ROCK2: variants seen among roughly 807,000 people sequenced by gnomAD.
ROCK2 encodes Rho associated coiled-coil containing protein kinase 2.
ROCK2 carries 61 observed loss-of-function variants against 195.1 expected under a neutral mutation model. That is an observed-to-expected ratio of 0.31 (90% CI 0.25 to 0.39). ROCK2 has a LOEUF of 0.39. Ranked by LOEUF, ROCK2 falls within the 10% of genes least tolerant of loss-of-function variation. The pLI is 1.00. For synonymous variants in ROCK2, 504 were observed against 545.5 expected, an observed-to-expected ratio of 0.92 and a Z score of 1.06; for missense variants, 1,109 against 1,637.4, an observed-to-expected ratio of 0.68 and a Z score of 5.57.
chr2:11,265,440 AT>A (rs1203423293), intron 3 of ROCK2, among the ~76,000 whole-genome samples: 1 of 152,208 alleles, frequency 6.6e-6, no homozygotes, highest in African/African-American at 2.4e-5. Flanking sequence ...GGAAATTTTC[AT>A]AACTCAATAG....
intron 5 of ROCK2, among the ~76,000 whole-genome samples, chr2:11,230,140 T>C (rs1664952483): frequency 2.6e-5 from 4 of 152,130 alleles, no homozygotes; most frequent in Admixed American, 6.6e-5. Flanking sequence ...CTAGAAGTAA[T>C]GACAGTCCAG....
chr2:11,234,959 T>TA (rs1286187747), intron 5 of ROCK2, among the ~76,000 whole-genome samples: 1 of 152,122 alleles, frequency 6.6e-6, no homozygotes, highest in East Asian at 1.9e-4. Flanking sequence ...ACTGGAAAGT[T>TA]ATAAAAAACA....
chr2:11,305,444 TACACACACACACACAC>T (rs59533265), intron 1 of ROCK2, among the ~76,000 whole-genome samples: 16 of 150,472 alleles, frequency 1.1e-4, no homozygotes, highest in Middle Eastern at 3.4e-3. Flanking sequence ...TGTGTGGGTG[TACACACACACACACAC>T]ACACACACAC....
At chr2:11,327,805 T>C (rs1384819621) in intron 1 of ROCK2, among the ~76,000 whole-genome samples, 1 of 152,162 alleles carries the variant, frequency 6.6e-6, no homozygotes, top group African/African-American at 2.4e-5. Flanking sequence ...TCAAGCTATC[T>C]GCCCACCTTG....
At chr2:11,188,328 T>G (rs1307905565) in intron 32 of ROCK2, among the ~76,000 whole-genome samples, 1 of 152,094 alleles carries the variant, frequency 6.6e-6, no homozygotes, top group Non-Finnish European at 1.5e-5. Context: ...CAGGCTTGTC[T>G]TGAACTCCTG....
At chr2:11,195,397 G>A (rs1663593942) in intron 27 of ROCK2, among the ~76,000 whole-genome samples, 1 of 151,084 alleles carries the variant, frequency 6.6e-6, no homozygotes, top group South Asian at 2.1e-4. Context: ...TTTTTCCTTT[G>A]GAAGAGGGCC....
intron 7 of ROCK2, among the ~76,000 whole-genome samples, chr2:11,223,219 C>G (rs1214424432): frequency 6.6e-6 from 1 of 152,004 alleles, no homozygotes; most frequent in Non-Finnish European, 1.5e-5. Context: ...ATGTAATTGA[C>G]AGGTATTAAA....
chr2:11,317,588 ATATATATATATATATATATATATATT>A (rs1558388158), intron 1 of ROCK2, among the ~76,000 whole-genome samples: 1 of 12,762 alleles, frequency 7.8e-5, no homozygotes, highest in African/African-American at 2.5e-4. Flanking sequence ...ATATATATAT[ATATATATATATATATATATATATATT>A]TTTTTTTTTT....
intron 1 of ROCK2, among the ~76,000 whole-genome samples, chr2:11,340,533 C>T (rs1210311424): frequency 6.6e-6 from 1 of 151,944 alleles, no homozygotes; most frequent in Non-Finnish European, 1.5e-5. Context: ...ACAAATTTTA[C>T]ACTATAAATG....
In ROCK2 at chr2:11,201,348, T is replaced by C; in HGVS notation, c.2685A>G (p.Lys895=). ...EECEEKTKLG[K]ELQQKKQELQ... is the part of the protein sequence containing the mutation. ...ATTCCTGTTTCTTCTGCTGCAATTC[T>C]TTACCAAGTTTGGTCTTTTCTTCAC... Residue 895 remains lysine, a synonymous_variant, in exon 22 of 33, where the codon AAA becomes AAG. Transcript: ENST00000315872. The surrounding 1 kb of genome is among the most constrained non-coding windows in gnomAD (Gnocchi z 4.6). The C allele has an allele frequency of 6.2e-7, 1 of 1,613,326 alleles. No individual in the cohort carries two copies. The highest frequency in any genetic ancestry group is 1.7e-5 in the Admixed American group (1 of 60,018).
In ROCK2 at chr2:11,183,405, C is replaced by A. The variant is rs188238543; in HGVS notation, c.*32G>T. The A allele has an allele frequency of 1.6e-3, 2,493 of 1,582,256 alleles. 31 individuals carry two copies. In the African/African-American group the frequency reaches 0.028, roughly 18 times the overall value. On this transcript the variant is annotated 3_prime_UTR_variant, in exon 33 of 33. Coordinates refer to ENST00000315872, the MANE Select transcript of ROCK2 (RefSeq NM_004850.5). ...TGTTTTCACTGGAAGAATACGATCA[C>A]CTTGAATAATGACTGCTTTCATAGA...
intron 3 of ROCK2, among the ~76,000 whole-genome samples, chr2:11,266,858 T>A (rs1161308102): frequency 1.3e-5 from 2 of 152,216 alleles, no homozygotes; most frequent in Non-Finnish European, 2.9e-5. Flanking sequence ...ATCAGATTAA[T>A]GGAATGTTAA....
intron 20 of ROCK2, among the ~76,000 whole-genome samples, chr2:11,206,843 C>T (rs1463532718): frequency 6.6e-6 from 1 of 152,222 alleles, no homozygotes; most frequent in Non-Finnish European, 1.5e-5. Context: ...CTCCCTTTCA[C>T]AAGTGTGATA....
chr2:11,198,540 T>G lies in ROCK2; in HGVS notation c.3050A>C (p.Lys1017Thr). The G allele has an allele frequency of 6.2e-7, 1 of 1,613,424 alleles. No individual in the cohort carries two copies. Among genetic ancestry groups the G allele is most frequent in the Non-Finnish European group, 8.5e-7 (1 of 1,179,814 alleles). Residue 1017 changes from lysine to threonine, a missense_variant, in exon 25 of 33, where the codon AAA becomes ACA. This residue lies in a region of ROCK2 where 542 missense variants were observed against 672.0 expected (regional missense o/e 0.81). Coordinates refer to ENST00000315872, the MANE Select transcript of ROCK2 (RefSeq NM_004850.5). Reference sequence around the variant, plus strand: ...TAATAGCTGCTTCTCAAACTGTGCTTTAATAGCTGCTGCGCTTATTTCTTC... The same window carrying G: ...TAATAGCTGCTTCTCAAACTGTGCTGTAATAGCTGCTGCGCTTATTTCTTC... ...KDEEISAAAI[K>T]AQFEKQLLTE...
chr2:11,335,449 CTTTTAT>C (rs1174565690), intron 1 of ROCK2, among the ~76,000 whole-genome samples: 1 of 152,060 alleles, frequency 6.6e-6, no homozygotes, highest in Non-Finnish European at 1.5e-5. Context: ...GGAAAATGTT[CTTTTAT>C]TATTTTTAAA....
rs35144359 is a variant in ROCK2 at position 11,285,261 on chromosome 2, T to TAA, written c.324+1276_324+1277dup. On this transcript the variant is annotated intron_variant, in intron 3 of 32. Transcript: ENST00000315872. ...TGGGCAACAAGAGTGAAACTCTGTC[T>TAA]AAAAAAAAAAAAAAAAAAAAATGTT... Among the ~76,000 whole-genome samples the TAA allele has an allele frequency of 4.4e-3, 511 of 117,220 alleles. 6 individuals carry two copies. The highest frequency in any genetic ancestry group is 0.016 in the African/African-American group (490 of 30,550). 76.9% of individuals were successfully genotyped at this position (117,220 alleles called of 152,430 possible).
intron 1 of ROCK2, among the ~76,000 whole-genome samples, chr2:11,304,717 C>T (rs890447014): frequency 6.6e-6 from 1 of 152,206 alleles, no homozygotes; most frequent in African/African-American, 2.4e-5. Context: ...AACTCTCAAA[C>T]CTCACCTCCC....
intron 5 of ROCK2, among the ~76,000 whole-genome samples, chr2:11,229,575 T>C (rs1237841100): frequency 4.8e-5 from 6 of 124,704 alleles, no homozygotes; most frequent in Non-Finnish European, 7.0e-5. Context: ...AAAAAAAAAA[T>C]AAACATTAAA....
At chr2:11,336,122 C>T (rs777745656) in intron 1 of ROCK2, among the ~76,000 whole-genome samples, 1 of 152,186 alleles carries the variant, frequency 6.6e-6, no homozygotes, top group Non-Finnish European at 1.5e-5. Context: ...AAATTTTCTA[C>T]AACGAGAGCA....
Sources: allele counts gnomAD v4.1 joint callset (sites outside exome capture counted in the v4.1 genomes callset), GRCh38; gene constraint gnomAD v4.1.1; regional missense constraint gnomAD v4.1.1; non-coding constraint Gnocchi (gnomAD v3.1); transcripts MANE v1.5; gene names NCBI Gene and HGNC (gene_info 2026-07-23, HGNC 2026-07-21).